Variants in NLGN1 observed in about 807,000 individuals in gnomAD.
NLGN1 encodes the protein neuroligin 1.
A neutral mutation model predicts 65.5 loss-of-function variants in NLGN1; 12 were observed. The ratio of observed to expected loss-of-function variants is 0.18; its 90% confidence interval spans 0.12 to 0.30. NLGN1 has a LOEUF of 0.30. NLGN1 is among the 10% of genes least tolerant of loss of function. The pLI is 1.00. For synonymous variants in NLGN1, 350 were observed against 359.5 expected (o/e 0.97, Z 0.30); for missense variants, 750 against 1,007.1 (o/e 0.74, Z 3.46).
intron 2 of NLGN1, among the ~76,000 whole-genome samples, chr3:173,453,855 G>A (rs1722062542): frequency 6.6e-6 from 1 of 152,130 alleles, no homozygotes; most frequent in Non-Finnish European, 1.5e-5. Flanking sequence ...CTCCTCCCAT[G>A]AATGTTCTTA....
intron 4 of NLGN1, among the ~76,000 whole-genome samples, chr3:173,915,246 C>A (rs1219114719): frequency 1.3e-5 from 2 of 152,258 alleles, no homozygotes; most frequent in South Asian, 2.1e-4. Flanking sequence ...ATGAACAAAT[C>A]GATGAAAATC....
intron 4 of NLGN1, among the ~76,000 whole-genome samples, chr3:174,040,247 CTG>C (rs1051103241): frequency 3.8e-4 from 57 of 151,994 alleles, no homozygotes. Flanking sequence ...CTGATTAACT[CTG>C]TGTGTTACGT....
intron 3 of NLGN1, among the ~76,000 whole-genome samples, chr3:173,690,013 G>A (rs1486259073): frequency 6.6e-6 from 1 of 152,130 alleles, no homozygotes; most frequent in Non-Finnish European, 1.5e-5. Flanking sequence ...TGAAGAGATT[G>A]AGTGATTCTA....
At chr3:174,131,685 T>C (rs6769365) in intron 4 of NLGN1, among the ~76,000 whole-genome samples, 5 of 152,224 alleles carry the variant, frequency 3.3e-5, no homozygotes, top group African/African-American at 1.2e-4. Flanking sequence ...ATTGAAGGAC[T>C]CAAATCAGGA....
intron 4 of NLGN1, among the ~76,000 whole-genome samples, chr3:174,044,084 C>T (rs1407430640): frequency 5.9e-5 from 9 of 152,278 alleles, no homozygotes; most frequent in Non-Finnish European, 1.3e-4. Flanking sequence ...TAGGCTGTAT[C>T]TTGGTCCCCT....
chr3:174,042,392 C>T (rs1276174607), intron 4 of NLGN1, among the ~76,000 whole-genome samples: 7 of 152,122 alleles, frequency 4.6e-5, no homozygotes, highest in Middle Eastern at 3.4e-3. Context: ...TTGTGTGTGG[C>T]GTGAGGTAGA....
chr3:173,425,863 G>T (rs1212432629), intron 1 of NLGN1, among the ~76,000 whole-genome samples: 1 of 151,956 alleles, frequency 6.6e-6, no homozygotes, highest in East Asian at 1.9e-4. Flanking sequence ...TTCTAAATCT[G>T]TGAAAAATAT....
At chr3:174,231,151 C>A (rs1404183813) in intron 4 of NLGN1, among the ~76,000 whole-genome samples, 5 of 152,112 alleles carry the variant, frequency 3.3e-5, no homozygotes, top group African/African-American at 1.2e-4. Context: ...CTTTCACCGT[C>A]ATAATTTTCT....
At chr3:173,688,562 C>T (rs193231360) in intron 3 of NLGN1, among the ~76,000 whole-genome samples, 179 of 152,274 alleles carry the variant, frequency 1.2e-3, no homozygotes, top group African/African-American at 3.8e-3. Context: ...AGCCCTGTTA[C>T]TGTCTCAGTC....
intron 4 of NLGN1, among the ~76,000 whole-genome samples, chr3:174,221,708 A>G (rs1738692890): frequency 6.6e-6 from 1 of 151,942 alleles, no homozygotes; most frequent in African/African-American, 2.4e-5. Flanking sequence ...TTCTGAGGCT[A>G]AAGTCCAATG....
intron 4 of NLGN1, among the ~76,000 whole-genome samples, chr3:174,051,876 A>C (rs186583366): frequency 2.6e-5 from 4 of 152,136 alleles, no homozygotes; most frequent in Admixed American, 2.6e-4. Flanking sequence ...CGTTTGTCTG[A>C]ATAAAGATGT....
intron 4 of NLGN1, among the ~76,000 whole-genome samples, chr3:174,229,840 C>T (rs949599894): frequency 6.6e-6 from 1 of 152,038 alleles, no homozygotes; most frequent in Non-Finnish European, 1.5e-5. Context: ...TTACATAAGC[C>T]TCTTGCTTTT....
intron 4 of NLGN1, among the ~76,000 whole-genome samples, chr3:173,893,496 C>T (rs937997253): frequency 2.0e-5 from 3 of 152,060 alleles, no homozygotes; most frequent in Admixed American, 2.0e-4. Context: ...ATAGCACACA[C>T]GTATTAAGAC....
intron 2 of NLGN1, among the ~76,000 whole-genome samples, chr3:173,484,199 T>C (rs949835589): frequency 6.6e-6 from 1 of 151,484 alleles, no homozygotes; most frequent in African/African-American, 2.4e-5. Flanking sequence ...GGGGAAAGAG[T>C]TGCTCACTGA....
chr3:173,601,751 C>T (rs1411009324), intron 2 of NLGN1, among the ~76,000 whole-genome samples: 2 of 151,446 alleles, frequency 1.3e-5, no homozygotes, highest in East Asian at 1.9e-4. Flanking sequence ...TGTGTAATGA[C>T]GTAAGAGAAA....
intron 3 of NLGN1, among the ~76,000 whole-genome samples, chr3:173,719,607 T>C (rs150385440): frequency 3.2e-4 from 48 of 152,206 alleles, no homozygotes; most frequent in African/African-American, 1.1e-3. Context: ...GGGAAATCTA[T>C]TGGTAGATAT....
chr3:173,532,229 C>T (rs995464859), intron 2 of NLGN1, among the ~76,000 whole-genome samples: 5 of 152,058 alleles, frequency 3.3e-5, no homozygotes, highest in African/African-American at 1.2e-4. Flanking sequence ...CTTTCAGTTC[C>T]AGGACCCTAG....
intron 4 of NLGN1, among the ~76,000 whole-genome samples, chr3:174,216,593 G>C (rs1737665459): frequency 6.6e-6 from 1 of 152,036 alleles, no homozygotes; most frequent in African/African-American, 2.4e-5. Flanking sequence ...AAAAATGCAG[G>C]ACAAGAGCAA....
At chr3:173,477,994 G>T (rs780758145) in intron 2 of NLGN1, among the ~76,000 whole-genome samples, 3 of 152,108 alleles carry the variant, frequency 2.0e-5, no homozygotes, top group East Asian at 1.9e-4. Context: ...AGATGGCGTG[G>T]CAATTCCTCA....
Sources: allele counts gnomAD v4.1 joint callset (sites outside exome capture counted in the v4.1 genomes callset), GRCh38; gene constraint gnomAD v4.1.1; transcripts MANE v1.5; gene names NCBI Gene and HGNC (gene_info 2026-07-23, HGNC 2026-07-21).